Variants in FGF12 observed in about 807,000 individuals in gnomAD.
FGF12 encodes the protein fibroblast growth factor 12B.
Under a neutral mutation model 23.6 loss-of-function variants are expected in FGF12, and 14 were observed. That is an observed-to-expected ratio of 0.59 (90% confidence interval 0.39 to 0.93). The LOEUF is 0.93. Among genes scored for constraint, FGF12 ranks in the 40% least tolerant of loss-of-function variants. The pLI is 0.00. For missense variants in FGF12, 175 were observed against 217.8 expected (o/e 0.80, Z 1.24); for synonymous variants, 62 against 77.3 (o/e 0.80, Z 1.04).
rs554635536 is a variant in FGF12 at position 192,404,715 on chromosome 3, T to C, written c.14-44177A>G. 3.3e-5 allele frequency among the ~76,000 whole-genome samples: 5 copies of C among 152,294 alleles called. No homozygotes were observed. In the East Asian group the frequency reaches 5.8e-4, roughly 18 times the overall value. On this transcript the variant is annotated intron_variant, in intron 2 of 5. Coordinates refer to ENST00000445105, the MANE Select transcript of FGF12 (RefSeq NM_004113.6). Reference sequence around the variant, plus strand: ...ATGGTTCAATGACCTCATCCAACTTTCCAGTTCAGGGTCTCCAATATTTCA... The same window carrying C: ...ATGGTTCAATGACCTCATCCAACTTCCCAGTTCAGGGTCTCCAATATTTCA...
At chr3:192,565,401 T>C (rs1712229984) in intron 2 of FGF12, among the ~76,000 whole-genome samples, 1 of 152,222 alleles carries the variant, frequency 6.6e-6, no homozygotes, top group African/African-American at 2.4e-5. Context: ...TTTATCTGTG[T>C]CAGAAATAAA....
intron 4 of FGF12, among the ~76,000 whole-genome samples, chr3:192,222,046 A>T (rs1718501965): frequency 6.6e-6 from 1 of 152,178 alleles, no homozygotes; most frequent in African/African-American, 2.4e-5. Context: ...AGAGAACATG[A>T]CAGGTGTGAC....
At chr3:192,680,425 G>C (rs1350535871) in intron 2 of FGF12, among the ~76,000 whole-genome samples, 1 of 152,202 alleles carries the variant, frequency 6.6e-6, no homozygotes, top group South Asian at 2.1e-4. Context: ...GAAAGCAGGT[G>C]GTGGTGGCCT....
At chr3:192,282,643 T>C (rs1044233543) in intron 4 of FGF12, among the ~76,000 whole-genome samples, 1 of 152,076 alleles carries the variant, frequency 6.6e-6, no homozygotes, top group South Asian at 2.1e-4. Flanking sequence ...GCCTACAGAT[T>C]CTGTATATCT....
At chr3:192,271,504 C>T (rs1021573324) in intron 4 of FGF12, among the ~76,000 whole-genome samples, 7 of 152,120 alleles carry the variant, frequency 4.6e-5, no homozygotes, top group East Asian at 1.9e-4. Flanking sequence ...CGTATCCCAC[C>T]CATCTTTGAA....
Position 192,454,978 on chromosome 3 carries a change from T to C in FGF12, c.14-94440A>G, listed in dbSNP as rs150139701. Among the ~76,000 whole-genome samples, 140 of 151,740 alleles carry C rather than the reference T, an allele frequency of 9.2e-4. 1 individual carries two copies. The East Asian group carries it at 0.026, about 28-fold the overall frequency. ...TTTCTCTAATAATTATTTTAATTAT[T>C]AATTTCAAATGGGGAGAATACTTTT... On this transcript the variant is annotated intron_variant, in intron 2 of 5. Transcript: ENST00000445105.
chr3:192,479,388 T>C (rs1223336374), intron 2 of FGF12, among the ~76,000 whole-genome samples: 2 of 152,154 alleles, frequency 1.3e-5, no homozygotes, highest in African/African-American at 4.8e-5. Context: ...TTGAAACATA[T>C]CACCCAGTGA....
chr3:192,704,546 A>C (rs1718406130), intron 2 of FGF12, among the ~76,000 whole-genome samples: 1 of 152,192 alleles, frequency 6.6e-6, no homozygotes, highest in African/African-American at 2.4e-5. Context: ...TTTATAGAAC[A>C]CAGGCAGAGT....
chr3:192,517,278 A>G (rs975066824), intron 2 of FGF12, among the ~76,000 whole-genome samples: 1 of 152,196 alleles, frequency 6.6e-6, no homozygotes, highest in Non-Finnish European at 1.5e-5. Context: ...TGCTTTGAAG[A>G]TTTTAATTAT....
chr3:192,259,979 T>C (rs976780625), intron 4 of FGF12, among the ~76,000 whole-genome samples: 5 of 152,144 alleles, frequency 3.3e-5, no homozygotes, highest in African/African-American at 1.2e-4. Flanking sequence ...TGGATGCTTT[T>C]GCTGACAGAA....
chr3:192,428,824 A>G (rs1721768371), intron 2 of FGF12, among the ~76,000 whole-genome samples: 1 of 152,142 alleles, frequency 6.6e-6, no homozygotes, highest in Non-Finnish European at 1.5e-5. Context: ...TAAGTATTTC[A>G]TAGGCTTTGA....
intron 2 of FGF12, among the ~76,000 whole-genome samples, chr3:192,544,326 A>G (rs1725443546): frequency 6.6e-6 from 1 of 152,174 alleles, no homozygotes; most frequent in Admixed American, 6.5e-5. Flanking sequence ...AGCAATATGA[A>G]GTTAAAACTG....
At chr3:192,155,507 T>A (rs1714361550) in intron 5 of FGF12, among the ~76,000 whole-genome samples, 1 of 152,194 alleles carries the variant, frequency 6.6e-6, no homozygotes, top group Non-Finnish European at 1.5e-5. Context: ...TTGGGCGATC[T>A]AAAACATGTT....
At chr3:192,232,194 T>G (rs1321179974) in intron 4 of FGF12, among the ~76,000 whole-genome samples, 1 of 152,112 alleles carries the variant, frequency 6.6e-6, no homozygotes, top group Non-Finnish European at 1.5e-5. Flanking sequence ...CAATGGGAAA[T>G]GAGCTTGTCT....
chr3:192,396,606 T>C (rs1289180253), intron 2 of FGF12, among the ~76,000 whole-genome samples: 1 of 152,210 alleles, frequency 6.6e-6, no homozygotes, highest in Non-Finnish European at 1.5e-5. Flanking sequence ...ATGAGCTCTG[T>C]TTTCCAATTC....
chr3:192,653,720 C>CTTTTTTTTTT (rs34906808), intron 2 of FGF12, among the ~76,000 whole-genome samples: 6 of 140,894 alleles, frequency 4.3e-5, no homozygotes, highest in African/African-American at 1.1e-4. Flanking sequence ...TCATTTGAGG[C>CTTTTTTTTTT]TTTTTTTTTT....
intron 2 of FGF12, among the ~76,000 whole-genome samples, chr3:192,604,132 C>A (rs1284556096): frequency 6.6e-6 from 1 of 152,138 alleles, no homozygotes; most frequent in Non-Finnish European, 1.5e-5. Context: ...AAATATGGCT[C>A]TTTTTGCATG....
At chr3:192,170,718 G>A (rs1308376956) in intron 4 of FGF12, 62 bp from the exon 5 acceptor site, 1 of 1,395,124 alleles carries the variant, frequency 7.2e-7, no homozygotes, top group African/African-American at 1.4e-5. Flanking sequence ...ATCAGCAAAT[G>A]CTTAAATCCA....
At chr3:192,165,077 C>A (rs1268895547) in intron 5 of FGF12, among the ~76,000 whole-genome samples, 1 of 152,114 alleles carries the variant, frequency 6.6e-6, no homozygotes, top group Middle Eastern at 3.4e-3. Flanking sequence ...CCTCAGCCTC[C>A]CAAGTAGCGG....
Sources: allele counts gnomAD v4.1 joint callset (sites outside exome capture counted in the v4.1 genomes callset), GRCh38; gene constraint gnomAD v4.1.1; transcripts MANE v1.5; gene names NCBI Gene and HGNC (gene_info 2026-07-23, HGNC 2026-07-21).